Variants in ESRRG observed in about 807,000 individuals in gnomAD.
ESRRG encodes estrogen-related receptor gamma.
ESRRG carries 13 observed loss-of-function variants against 44.0 expected under a neutral mutation model. The ratio of observed to expected loss-of-function variants is 0.30; its 90% CI spans 0.19 to 0.47. The LOEUF (loss-of-function observed/expected upper bound fraction) is 0.47. Among genes scored for constraint, ESRRG ranks in the 20% least tolerant of loss-of-function variants. The probability of loss-of-function intolerance (pLI) is 1.00; values close to 1 mark genes in which losing one functional copy is unlikely to be tolerated. For missense variants in ESRRG, 395 were observed against 580.6 expected, an observed-to-expected ratio of 0.68 and a Z score of 3.29; for synonymous variants, 215 against 214.6, an observed-to-expected ratio of 1.00 and a Z score of -0.02.
At chr1:216,537,241 C>G (rs1456095414) in intron 5 of ESRRG, among the ~76,000 whole-genome samples, 1 of 151,944 alleles carries the variant, frequency 6.6e-6, no homozygotes, top group Non-Finnish European at 1.5e-5. Flanking sequence ...TGCCCCTTCT[C>G]CATAACAGAG....
intron 1 of ESRRG, among the ~76,000 whole-genome samples, chr1:216,712,510 A>C (rs2083845990): frequency 6.6e-6 from 1 of 152,208 alleles, no homozygotes; most frequent in African/African-American, 2.4e-5. Context: ...CGACGTGATG[A>C]ATACCCTCAG....
At chr1:216,911,586 T>C (rs1456678077) in intron 2 of ESRRG, among the ~76,000 whole-genome samples, 2 of 152,132 alleles carry the variant, frequency 1.3e-5, no homozygotes, top group Non-Finnish European at 2.9e-5. Flanking sequence ...TATTGTAAAC[T>C]TTGGATTTGG....
At chr1:216,531,569 TGA>T (rs1276647656) in intron 5 of ESRRG, among the ~76,000 whole-genome samples, 1 of 152,038 alleles carries the variant, frequency 6.6e-6, no homozygotes, top group Non-Finnish European at 1.5e-5. Context: ...CAAGTTAAAA[TGA>T]AACCAAAACA....
At chr1:216,575,192 A>C (rs2149717896) in intron 3 of ESRRG, among the ~76,000 whole-genome samples, 1 of 152,228 alleles carries the variant, frequency 6.6e-6, no homozygotes, top group South Asian at 2.1e-4. Flanking sequence ...AGTAGTGAAC[A>C]TTATTTGTAT....
intron 2 of ESRRG, among the ~76,000 whole-genome samples, chr1:216,744,174 A>G (rs925669131): frequency 2.0e-5 from 3 of 152,158 alleles, no homozygotes; most frequent in African/African-American, 7.2e-5. Context: ...TAAGAAATAC[A>G]TTGTCCGTTA....
At position 216,733,248 on chromosome 1, in the gene ESRRG, A is replaced by ATTTT. The variant is rs55691102; in HGVS notation, c.-13-55761_-13-55758dup. The stretch of plus-strand genomic sequence containing the variant: ...TTTTGCTAGCCTGCAGTATAAGGGC[A>ATTTT]TTTTTTTTTTTTTTTGTCACACTAC... On this transcript the variant is annotated intron_variant, in intron 2 of 7. Transcript: ENST00000359162. Among the ~76,000 whole-genome samples, 4 of 138,912 alleles carry ATTTT rather than the reference A, an allele frequency of 2.9e-5. 1 individual carries two copies. The highest frequency in any genetic ancestry group is 5.3e-5 in the African/African-American group (2 of 37,872). 91.1% of individuals were successfully genotyped at this position (138,912 alleles called of 152,430 possible).
At chr1:217,128,297 C>A (rs1490918246) in intron 1 of ESRRG, among the ~76,000 whole-genome samples, 2 of 152,202 alleles carry the variant, frequency 1.3e-5, no homozygotes, top group African/African-American at 2.4e-5. Context: ...ATAAGCAAAG[C>A]CTTTACATTT....
intron 5 of ESRRG, among the ~76,000 whole-genome samples, chr1:216,558,764 C>T (rs1356369297): frequency 6.6e-6 from 1 of 152,088 alleles, no homozygotes; most frequent in Non-Finnish European, 1.5e-5. Flanking sequence ...TCATTCGACC[C>T]TTATTAATCA....
At chr1:216,648,228 C>T (rs777189778) in intron 3 of ESRRG, among the ~76,000 whole-genome samples, 1 of 152,058 alleles carries the variant, frequency 6.6e-6, no homozygotes, top group Non-Finnish European at 1.5e-5. Context: ...GGGTACAATG[C>T]AATATTTCAC....
intron 1 of ESRRG, among the ~76,000 whole-genome samples, chr1:217,110,706 G>A (rs949357435): frequency 7.9e-5 from 12 of 152,098 alleles, no homozygotes; most frequent in Non-Finnish European, 1.8e-4. Context: ...CACTATCATA[G>A]GATAGCACCA....
chr1:216,766,924 C>T (rs933960409), intron 2 of ESRRG, among the ~76,000 whole-genome samples: 1 of 152,116 alleles, frequency 6.6e-6, no homozygotes, highest in Non-Finnish European at 1.5e-5. Flanking sequence ...GTGGTTATTA[C>T]ATAATCTTTT....
At chr1:217,033,068 A>G (rs2082308552) in intron 1 of ESRRG, among the ~76,000 whole-genome samples, 2 of 152,218 alleles carry the variant, frequency 1.3e-5, no homozygotes, top group African/African-American at 4.8e-5. Context: ...TTTATATTAG[A>G]AAGTCACCCC....
chr1:216,893,678 G>T (rs2149422710), intron 2 of ESRRG, among the ~76,000 whole-genome samples: 1 of 151,368 alleles, frequency 6.6e-6, no homozygotes, highest in East Asian at 1.9e-4. Flanking sequence ...ACACAGGCAA[G>T]AAATACATAC....
At chr1:216,642,967 C>T (rs143015415) in intron 3 of ESRRG, among the ~76,000 whole-genome samples, 10 of 152,270 alleles carry the variant, frequency 6.6e-5, no homozygotes, top group Admixed American at 1.3e-4. Context: ...GAAAACACTA[C>T]GCTCTTTAAA....
At chr1:216,871,209 T>C (rs1011556817) in intron 2 of ESRRG, among the ~76,000 whole-genome samples, 2 of 152,026 alleles carry the variant, frequency 1.3e-5, no homozygotes, top group African/African-American at 4.8e-5. Context: ...GTTAAAAATA[T>C]TTTCTAATCC....
intron 2 of ESRRG, among the ~76,000 whole-genome samples, chr1:216,831,312 CA>C (rs921484129): frequency 1.3e-5 from 2 of 151,994 alleles, no homozygotes; most frequent in African/African-American, 4.8e-5. Flanking sequence ...GCAAATTATG[CA>C]AAAACCACAA....
chr1:216,940,594 G>T (rs952518731), intron 1 of ESRRG, among the ~76,000 whole-genome samples: 4 of 151,994 alleles, frequency 2.6e-5, no homozygotes, highest in African/African-American at 9.7e-5. Flanking sequence ...TAATTACTCG[G>T]GTGGCACCAG....
chr1:216,914,513 G>A (rs373134252), intron 2 of ESRRG, among the ~76,000 whole-genome samples: 98 of 152,126 alleles, frequency 6.4e-4, no homozygotes, highest in African/African-American at 2.0e-3. Context: ...CAGAAGGAAC[G>A]CTCACATAAA....
At chr1:217,026,226 T>G (rs1260023048) in intron 1 of ESRRG, among the ~76,000 whole-genome samples, 1 of 152,206 alleles carries the variant, frequency 6.6e-6, no homozygotes. Context: ...CAGCTCTACC[T>G]GCTGACTAGA....
Sources: allele counts gnomAD v4.1 joint callset (sites outside exome capture counted in the v4.1 genomes callset), GRCh38; gene constraint gnomAD v4.1.1; transcripts MANE v1.5; gene names NCBI Gene and HGNC (gene_info 2026-07-23, HGNC 2026-07-21).